The following DPYD variants were observed in gnomAD, a reference collection of about 807,000 sequenced individuals.
DPYD encodes dihydropyrimidine dehydrogenase [NADP(+)].
A neutral mutation model predicts 116.2 loss-of-function variants in DPYD; 109 were observed. The observed-to-expected ratio is 0.94, with a 90% CI of 0.80 to 1.10. DPYD has a LOEUF of 1.10. DPYD is among the 50% of genes least tolerant of loss of function. DPYD has a pLI of 0.00. For synonymous variants in DPYD, 440 were observed against 432.0 expected, an observed-to-expected ratio of 1.02 and a Z score of -0.23; for missense variants, 1,302 against 1,254.5, an observed-to-expected ratio of 1.04 and a Z score of -0.57.
chr1:97,368,513 ATCTTGC>A (rs1255724930), intron 16 of DPYD, among the ~76,000 whole-genome samples: 1 of 152,194 alleles, frequency 6.6e-6, no homozygotes, highest in Non-Finnish European at 1.5e-5. Context: ...AGCATGCTGC[ATCTTGC>A]TCTTCTTTAT....
intron 18 of DPYD, among the ~76,000 whole-genome samples, chr1:97,266,031 A>G (rs1664206438): frequency 6.6e-6 from 1 of 152,252 alleles, no homozygotes; most frequent in African/African-American, 2.4e-5. Context: ...GAATTTAGAC[A>G]AATAGTACTA....
At chr1:97,778,506 A>C (rs1666550104) in intron 3 of DPYD, among the ~76,000 whole-genome samples, 1 of 152,090 alleles carries the variant, frequency 6.6e-6, no homozygotes, top group Non-Finnish European at 1.5e-5. Context: ...TTACTTCTCC[A>C]TAGACTAATG....
intron 19 of DPYD, among the ~76,000 whole-genome samples, chr1:97,217,740 T>G (rs1207417728): frequency 6.6e-6 from 1 of 152,144 alleles, no homozygotes; most frequent in Non-Finnish European, 1.5e-5. Context: ...CAATTACAGT[T>G]GATATTCATT....
chr1:97,744,378 C>A (rs933106431), intron 3 of DPYD, among the ~76,000 whole-genome samples: 4 of 151,912 alleles, frequency 2.6e-5, no homozygotes, highest in Non-Finnish European at 2.9e-5. Context: ...GGAATTGTAA[C>A]CTATGCTTGT....
intron 19 of DPYD, among the ~76,000 whole-genome samples, chr1:97,195,634 G>GTATGTGTATATA (rs1557929548): frequency 1.0e-4 from 6 of 57,716 alleles, no homozygotes; most frequent in East Asian, 6.3e-4. Flanking sequence ...ATATGTATGT[G>GTATGTGTATATA]TATATATATA....
chr1:97,146,099 T>C (rs1022940005), intron 20 of DPYD, among the ~76,000 whole-genome samples: 6 of 152,314 alleles, frequency 3.9e-5, no homozygotes, highest in Admixed American at 2.6e-4. Flanking sequence ...TTTTTCTGTT[T>C]GTTTATTTTT....
chr1:97,761,502 A>G (rs1199810648), intron 3 of DPYD, among the ~76,000 whole-genome samples: 1 of 152,136 alleles, frequency 6.6e-6, no homozygotes, highest in Non-Finnish European at 1.5e-5. Flanking sequence ...CATTACAGCT[A>G]TTACTAAAAA....
intron 17 of DPYD, 75 bp from the exon 18 acceptor site, chr1:97,305,453 T>A: frequency 1.3e-6 from 2 of 1,597,674 alleles, no homozygotes; most frequent in Non-Finnish European, 1.7e-6. Flanking sequence ...AACCCTCACA[T>A]CCCAGAAAAA....
intron 16 of DPYD, among the ~76,000 whole-genome samples, chr1:97,323,123 ATG>A (rs1315369042): frequency 3.3e-5 from 5 of 149,772 alleles, no homozygotes; most frequent in Admixed American, 6.7e-5. Flanking sequence ...ATGCATATAT[ATG>A]TGTGTGTGTT....
intron 20 of DPYD, among the ~76,000 whole-genome samples, chr1:97,118,123 T>G (rs1652125020): frequency 6.6e-6 from 1 of 152,198 alleles, no homozygotes; most frequent in Non-Finnish European, 1.5e-5. Flanking sequence ...ATTGATCTTT[T>G]CTTTTCAAAT....
chr1:97,485,343 A>G (rs914228910), intron 13 of DPYD, among the ~76,000 whole-genome samples: 2 of 152,130 alleles, frequency 1.3e-5, no homozygotes, highest in South Asian at 2.1e-4. Flanking sequence ...CTGGGACTAC[A>G]GGAGTGCACC....
chr1:97,252,857 C>G (rs1663199254), intron 18 of DPYD, among the ~76,000 whole-genome samples: 1 of 152,060 alleles, frequency 6.6e-6, no homozygotes, highest in Non-Finnish European at 1.5e-5. Flanking sequence ...CAGGTAGTAA[C>G]TGGTATGAAA....
chr1:97,692,508 TTTG>T (rs1245863455), intron 6 of DPYD, among the ~76,000 whole-genome samples: 12 of 152,170 alleles, frequency 7.9e-5, no homozygotes, highest in African/African-American at 2.9e-4. Flanking sequence ...TTTCCAGTGT[TTTG>T]TTAACAATTA....
intron 8 of DPYD, among the ~76,000 whole-genome samples, chr1:97,623,716 C>A (rs1375978524): frequency 6.6e-6 from 1 of 151,836 alleles, no homozygotes; most frequent in Non-Finnish European, 1.5e-5. Flanking sequence ...ATCACATTAC[C>A]TGATTTCAAA....
intron 17 of DPYD, among the ~76,000 whole-genome samples, 199 bp downstream of exon 17, chr1:97,305,978 C>A (rs770878528): frequency 6.6e-6 from 1 of 151,848 alleles, no homozygotes; most frequent in Non-Finnish European, 1.5e-5. Flanking sequence ...GTTTCCAGAT[C>A]AAAATTCATG....
intron 16 of DPYD, among the ~76,000 whole-genome samples, chr1:97,355,094 T>C (rs1438653636): frequency 6.6e-6 from 1 of 152,210 alleles, no homozygotes; most frequent in Admixed American, 6.5e-5. Flanking sequence ...TTTTGGGATA[T>C]ATTTACATCA....
intron 8 of DPYD, among the ~76,000 whole-genome samples, chr1:97,636,006 A>C (rs951362880): frequency 2.0e-5 from 3 of 151,980 alleles, no homozygotes; most frequent in African/African-American, 7.2e-5. Context: ...TTTATTGTAG[A>C]GATGGGGTTT....
At chr1:97,800,586 A>C (rs1667798656) in intron 3 of DPYD, among the ~76,000 whole-genome samples, 1 of 151,960 alleles carries the variant, frequency 6.6e-6, no homozygotes, top group Non-Finnish European at 1.5e-5. Context: ...AGCCAGTCCT[A>C]TTCCATTCCT....
intron 8 of DPYD, among the ~76,000 whole-genome samples, chr1:97,666,985 G>A (rs1659599199): frequency 6.6e-6 from 1 of 152,132 alleles, no homozygotes; most frequent in Non-Finnish European, 1.5e-5. Flanking sequence ...CATCTGCTGA[G>A]CAAATCCGCC....
Sources: gnomAD v4.1 joint callset for allele counts (sites outside exome capture counted in the v4.1 genomes callset) on GRCh38, gnomAD v4.1.1 for gene constraint, MANE v1.5 for transcripts, NCBI Gene and HGNC (gene_info 2026-07-23, HGNC 2026-07-21) for gene names.